Variants in RPL17 observed in about 807,000 individuals in gnomAD.
RPL17 encodes large ribosomal subunit protein uL22.
A neutral mutation model predicts 27.7 loss-of-function variants in RPL17; 2 were observed. The ratio of observed to expected loss-of-function variants is 0.07; its 90% CI spans 0.03 to 0.23. The LOEUF (loss-of-function observed/expected upper bound fraction) is 0.23, where lower values mean the gene tolerates loss of function less well. Ranked by LOEUF, RPL17 falls within the 10% of genes least tolerant of loss-of-function variation. The pLI is 1.00. For missense variants in RPL17, 141 were observed against 238.8 expected (o/e 0.59, Z 2.70); for synonymous variants, 76 against 75.5 (o/e 1.01, Z -0.03).
At chr18:49,491,061 A>T in intron 3 of RPL17, 134 bp from the exon 4 acceptor site, 1 of 1,419,972 alleles carries the variant, frequency 7.0e-7, no homozygotes, top group African/African-American at 1.4e-5. Flanking sequence ...AATTAAAAAA[A>T]CTTGTGACTA....
intron 1 of RPL17, chr18:49,491,875 C>G: frequency 1.9e-6 from 1 of 526,904 alleles, no homozygotes; most frequent in Non-Finnish European, 3.5e-6. Context: ...AATGCTGGAT[C>G]TTCCAGGCGT....
Position 49,490,509 on chromosome 18 carries a change from C to T in RPL17, c.260G>A (p.Ser87Asn), listed in dbSNP as rs1434441674. ...AAGCATGTGCAGCAAAAATTCAGCA[C>T]TCTTTTTGGGCCACCGACCTTGTGT... ...GWTQGRWPKKSAEFLLHMLKN... is the reference protein window; with the variant it reads ...GWTQGRWPKKNAEFLLHMLKN... The change falls in exon 5 of 7, where the codon AGT (serine) becomes AAT (asparagine). Residue 87 changes from serine (S) to asparagine (N), a missense_variant. Around this residue, in one of 2 missense-constraint regions of RPL17, gnomAD observed 107 missense variants for 150.1 expected, o/e 0.71. Transcript: ENST00000580261. The T allele has an allele frequency of 6.2e-7, 1 of 1,613,988 alleles. No individual in the cohort carries two copies. Among genetic ancestry groups the T allele is most frequent in the Non-Finnish European group, 8.5e-7 (1 of 1,179,906 alleles).
intron 1 of RPL17, 137 bp from the exon 2 acceptor site, chr18:49,491,721 T>C (rs2084102187): frequency 1.8e-6 from 2 of 1,128,264 alleles, no homozygotes; most frequent in South Asian, 1.2e-5. Flanking sequence ...AGAAATGCCA[T>C]CATCGCAGCC....
At chr18:49,489,617 A>T in intron 5 of RPL17, 67 bp from the exon 6 acceptor site, 1 of 1,499,668 alleles carries the variant, frequency 6.7e-7, no homozygotes, top group South Asian at 1.2e-5. Context: ...ACAAACTATC[A>T]TTGCTAAATA....
intron 4 of RPL17, 46 bp downstream of exon 4, chr18:49,490,747 T>C: frequency 3.7e-6 from 6 of 1,612,758 alleles, no homozygotes; most frequent in Non-Finnish European, 5.1e-6. Flanking sequence ...TCCCATCACT[T>C]TTCCATTAAA....
intron 3 of RPL17, 105 bp from the exon 4 acceptor site, chr18:49,491,032 T>C (rs550392951): frequency 1.9e-6 from 3 of 1,554,482 alleles, no homozygotes; most frequent in East Asian, 2.3e-5. Context: ...GAGTTATTTC[T>C]ATTCTTTGGG....
At chr18:49,489,762 C>T (rs1241879625) in intron 5 of RPL17, among the ~76,000 whole-genome samples, 3 of 152,162 alleles carry the variant, frequency 2.0e-5, no homozygotes, top group African/African-American at 7.2e-5. Context: ...CCACCAAACT[C>T]AGTGTGCTAT....
intron 1 of RPL17, 96 bp from the exon 2 acceptor site, chr18:49,491,680 T>A: frequency 1.4e-6 from 2 of 1,423,070 alleles, no homozygotes; most frequent in African/African-American, 2.8e-5. Context: ...CAGAGAGTAG[T>A]TGTTTTCATT....
intron 5 of RPL17, among the ~76,000 whole-genome samples, chr18:49,490,072 G>T (rs1021860663): frequency 6.6e-6 from 1 of 152,142 alleles, no homozygotes; most frequent in African/African-American, 2.4e-5. Context: ...CCATTATGAA[G>T]GTAGGCCACA....
rs1467146329 is a variant in RPL17, at chr18:49,488,578, AAAATG to A, written c.508-17_508-13del. The A allele has an allele frequency of 2.7e-6, 4 of 1,500,860 alleles. No individual in the cohort carries two copies. The highest frequency in any genetic ancestry group is 3.6e-6 in the Non-Finnish European group (4 of 1,098,110). The allele number at this position is 1,500,860 out of a possible 1,614,324, so 93.0% of individuals were successfully genotyped here. On this transcript the variant is annotated splice_polypyrimidine_tract_variant and intron_variant, in intron 6 of 6. Coordinates refer to ENST00000580261, the MANE Select transcript of RPL17 (RefSeq NM_001035006.5). ...TTCTTCTGGGATATCTGGGGAAAGA[AAAATG>A]TGTTAAGTTTCTTAGAGAAAACCAC...
chr18:49,489,608 C>T (rs73959372), intron 5 of RPL17, 58 bp from the exon 6 acceptor site: 81,991 of 1,543,546 alleles, frequency 0.053, 2,473 homozygotes, highest in South Asian at 0.094. Context: ...TAAAACACCA[C>T]AAACTATCAT....
rs1568504096 is a variant in RPL17 at position 49,491,401 on chromosome 18, A to C, written c.81+4T>G. On this transcript the variant is annotated splice_donor_region_variant and intron_variant, in intron 3 of 6. Transcript: ENST00000580261. ...CTGTTGGATCACAACTATGAATCGC[A>C]TACCTTAAAGTGAACACGAAGATTG... 6.2e-7 allele frequency: 1 copy of C among 1,614,070 alleles called. No homozygotes were observed. The highest frequency in any genetic ancestry group is 1.3e-5 in the African/African-American group (1 of 74,924).
At chr18:49,489,307 A>C (rs2083886721) in intron 6 of RPL17, 52 bp downstream of exon 6, 1 of 1,596,280 alleles carries the variant, frequency 6.3e-7, no homozygotes, top group African/African-American at 1.3e-5. Flanking sequence ...TCATCACAGC[A>C]ACCACAAATC....
At chr18:49,490,671 G>A in intron 4 of RPL17, 119 bp from the exon 5 acceptor site, 1 of 1,585,476 alleles carries the variant, frequency 6.3e-7, no homozygotes, top group Non-Finnish European at 8.6e-7. Flanking sequence ...ATCAATCCAA[G>A]GTGTCCTGTC....
chr18:49,489,092 G>A (rs2083870594), intron 6 of RPL17: 2 of 305,426 alleles, frequency 6.5e-6, no homozygotes. Flanking sequence ...TAGTAGAGAC[G>A]GGGTTTCACT....
chr18:49,490,076 G>A (rs999583171), intron 5 of RPL17, among the ~76,000 whole-genome samples: 1 of 152,154 alleles, frequency 6.6e-6, no homozygotes, highest in Non-Finnish European at 1.5e-5. Flanking sequence ...TATGAAGGTA[G>A]GCCACAAACC....
At chr18:49,489,229 TA>T in intron 6 of RPL17, 129 bp downstream of exon 6, 1 of 984,578 alleles carries the variant, frequency 1.0e-6, no homozygotes. Context: ...AAAGCCAAAA[TA>T]AGACAGGTGA....
chr18:49,489,591 TA>T (rs759885017), intron 5 of RPL17, 41 bp from the exon 6 acceptor site: 6 of 1,587,318 alleles, frequency 3.8e-6, no homozygotes, highest in Non-Finnish European at 5.1e-6. Flanking sequence ...GGAACATCCT[TA>T]ATTAGTAAAA....
In RPL17 at chr18:49,491,336, T is replaced by C; in HGVS notation, c.81+69A>G. 3 of 1,607,556 alleles carry C rather than the reference T, an allele frequency of 1.9e-6. No homozygotes were observed. The South Asian group carries it at 3.3e-5, about 18-fold the overall frequency. ...TAAATCCAAAGGTGTCCTAAGAAAG[T>C]CATCACTGCAGCTACCTTTTTTGAG... On this transcript the variant is annotated intron_variant, in intron 3 of 6. Transcript: ENST00000580261.
Sources: allele counts gnomAD v4.1 joint callset (sites outside exome capture counted in the v4.1 genomes callset), GRCh38; gene constraint gnomAD v4.1.1; regional missense constraint gnomAD v4.1.1; transcripts MANE v1.5; gene names NCBI Gene and HGNC (gene_info 2026-07-23, HGNC 2026-07-21).